LARGE1: variants seen among roughly 807,000 people sequenced by gnomAD.
LARGE1 encodes xylosyl- and glucuronyltransferase LARGE1.
Under a neutral mutation model 87.6 loss-of-function variants are expected in LARGE1, and 43 were observed. That is an observed-to-expected ratio of 0.49 (90% CI 0.38 to 0.63). The LOEUF (loss-of-function observed/expected upper bound fraction) is 0.63, where lower values mean the gene tolerates loss of function less well. Ranked by LOEUF, LARGE1 falls within the 30% of genes least tolerant of loss-of-function variation. The probability of loss-of-function intolerance (pLI) is 0.00; values close to 1 mark genes in which losing one functional copy is unlikely to be tolerated. For missense variants in LARGE1, 802 were observed against 1,000.2 expected (o/e 0.80, Z 2.67); for synonymous variants, 434 against 394.6 (o/e 1.10, Z -1.18).
chr22:33,116,555 G>C, the LARGE1 span, among the ~76,000 whole-genome samples: 1 of 151,762 alleles, frequency 6.6e-6, no homozygotes, highest in Non-Finnish European at 1.5e-5. Context: ...AGTAGAGACG[G>C]GGTTTCACCG....
intron 12 of LARGE1, among the ~76,000 whole-genome samples, chr22:33,302,258 C>T (rs1048176706): frequency 6.6e-6 from 1 of 152,218 alleles, no homozygotes; most frequent in African/African-American, 2.4e-5. Flanking sequence ...CTGGCACAGG[C>T]GCTGGGGCTG....
chr22:33,256,218 C>T (rs956943004), intron 11 of LARGE1, among the ~76,000 whole-genome samples: 4 of 152,158 alleles, frequency 2.6e-5, no homozygotes, highest in Non-Finnish European at 5.9e-5. Context: ...ATCTGGAGGA[C>T]GATAGAAGAG....
At chr22:33,257,197 C>T (rs563966071) in intron 11 of LARGE1, among the ~76,000 whole-genome samples, 8 of 152,076 alleles carry the variant, frequency 5.3e-5, no homozygotes, top group Admixed American at 4.6e-4. Context: ...AAGAGCAAAA[C>T]TCCGTCTCAA....
intron 6 of LARGE1, among the ~76,000 whole-genome samples, chr22:33,563,930 CTG>C (rs558180053): frequency 1.6e-3 from 251 of 152,286 alleles, no homozygotes; most frequent in African/African-American, 5.8e-3. Context: ...AATTTACTCT[CTG>C]TTCATGAATA....
chr22:33,548,423 T>C (rs73168525), intron 6 of LARGE1, among the ~76,000 whole-genome samples: 1 of 115,318 alleles, frequency 8.7e-6, no homozygotes, highest in Non-Finnish European at 2.0e-5. Flanking sequence ...ATTCCGTTTT[T>C]TTTTTCTTGA....
At chr22:33,274,685 G>A in intron 14 of LARGE1, 61 bp from the exon 15 acceptor site, 1 of 1,446,908 alleles carries the variant, frequency 6.9e-7, no homozygotes, top group Middle Eastern at 1.7e-4. Flanking sequence ...CATGATGAAG[G>A]CCCAAGCGAA....
At chr22:33,625,738 T>C (rs1300397282) in intron 4 of LARGE1, among the ~76,000 whole-genome samples, 1 of 152,220 alleles carries the variant, frequency 6.6e-6, no homozygotes, top group Admixed American at 6.5e-5. Context: ...CATGTCTGTA[T>C]CCTAATCTCC....
At chr22:33,472,891 C>T (rs759157733) in intron 6 of LARGE1, among the ~76,000 whole-genome samples, 5 of 152,178 alleles carry the variant, frequency 3.3e-5, no homozygotes, top group Non-Finnish European at 7.3e-5. Flanking sequence ...AGTCATCAAA[C>T]GATGCACCTG....
chr22:33,389,796 G>A (rs187737975), intron 7 of LARGE1, among the ~76,000 whole-genome samples: 1 of 152,206 alleles, frequency 6.6e-6, no homozygotes, highest in Admixed American at 6.5e-5. Context: ...AGTGAGCCGC[G>A]ACTGCATCAC....
At chr22:33,326,628 T>C (rs940383625) in intron 10 of LARGE1, among the ~76,000 whole-genome samples, 2 of 152,182 alleles carry the variant, frequency 1.3e-5, no homozygotes, top group Admixed American at 6.5e-5. Flanking sequence ...GGATTTCACA[T>C]GAGGCAGCCT....
rs3072344 is a variant in LARGE1 at position 33,854,677 on chromosome 22, T to TAAA, written c.-83+65315_-83+65317dup. Among the ~76,000 whole-genome samples the TAAA allele has an allele frequency of 1.9e-4, 29 of 149,088 alleles. 1 individual carries two copies. Among genetic ancestry groups the TAAA allele is most frequent in the African/African-American group, 4.4e-4 (18 of 40,700 alleles). ...TCTCCCCAAGTGTCTCCAGTTTATT[T>TAAA]AAAAAAAAAAAGGTCCAATTTAACA... On this transcript the variant is annotated intron_variant, in intron 1 of 14. Transcript: ENST00000397394.
intron 12 of LARGE1, among the ~76,000 whole-genome samples, chr22:33,299,730 C>A (rs1933887141): frequency 6.6e-6 from 1 of 152,218 alleles, no homozygotes; most frequent in Non-Finnish European, 1.5e-5. Flanking sequence ...ATGAAGCAAG[C>A]AGCCCCAACT....
At chr22:33,074,862 A>G in the LARGE1 span, among the ~76,000 whole-genome samples, 2 of 152,112 alleles carry the variant, frequency 1.3e-5, no homozygotes, top group African/African-American at 4.8e-5. Flanking sequence ...TATATTTGAC[A>G]TTTACTGAGT....
At chr22:33,603,059 G>C (rs1183364659) in intron 5 of LARGE1, among the ~76,000 whole-genome samples, 2 of 21,278 alleles carry the variant, frequency 9.4e-5, no homozygotes, top group Admixed American at 1.3e-3. Flanking sequence ...CTTTTTAAGA[G>C]TGTTAATCAA....
At chr22:33,825,007 G>A (rs866145166) in intron 1 of LARGE1, among the ~76,000 whole-genome samples, 36 of 152,142 alleles carry the variant, frequency 2.4e-4, no homozygotes, top group African/African-American at 8.2e-4. Context: ...TTTCTTATTT[G>A]CAAGATGAGG....
the LARGE1 span, among the ~76,000 whole-genome samples, chr22:33,120,389 T>TCTTTC: frequency 2.1e-5 from 2 of 97,436 alleles, no homozygotes; most frequent in African/African-American, 6.3e-5. Flanking sequence ...TTTCTTTCTT[T>TCTTTC]CTTTCTTTCT....
At chr22:33,135,124 A>G in the LARGE1 span, among the ~76,000 whole-genome samples, 45 of 152,236 alleles carry the variant, frequency 3.0e-4, no homozygotes, top group Non-Finnish European at 1.3e-4. Context: ...GTGTAGTAGA[A>G]GGATTCATCT....
At chr22:33,496,690 C>T (rs16992459) in intron 6 of LARGE1, among the ~76,000 whole-genome samples, 2,840 of 152,270 alleles carry the variant, frequency 0.019, 92 homozygotes, top group African/African-American at 0.065. Flanking sequence ...ACTACGCTAT[C>T]GTTTTCAACA....
At chr22:33,668,255 A>G (rs1033206464) in intron 2 of LARGE1, among the ~76,000 whole-genome samples, 3 of 152,248 alleles carry the variant, frequency 2.0e-5, no homozygotes, top group Admixed American at 6.5e-5. Context: ...ACAGTACTAG[A>G]AAGTAAGCTG....
Sources: gnomAD v4.1 joint callset for allele counts (sites outside exome capture counted in the v4.1 genomes callset) on GRCh38, gnomAD v4.1.1 for gene constraint, MANE v1.5 for transcripts, NCBI Gene and HGNC (gene_info 2026-07-23, HGNC 2026-07-21) for gene names.